The following EPHA5 variants were observed in gnomAD, a reference collection of about 807,000 sequenced individuals.
EPHA5 encodes ephrin type-A receptor 5.
EPHA5 carries 60 observed loss-of-function variants against 105.0 expected under a neutral mutation model. The observed-to-expected ratio is 0.57, with a 90% CI of 0.46 to 0.71. The LOEUF (loss-of-function observed/expected upper bound fraction) is 0.71, where lower values mean the gene tolerates loss of function less well. EPHA5 is among the 30% of genes least tolerant of loss of function. EPHA5 has a pLI of 0.00. For synonymous variants in EPHA5, 513 were observed against 449.1 expected, an observed-to-expected ratio of 1.14 and a Z score of -1.80; for missense variants, 1,218 against 1,274.7, an observed-to-expected ratio of 0.96 and a Z score of 0.68.
chr4:65,660,144 A>G (rs1749434015), intron 1 of EPHA5, among the ~76,000 whole-genome samples: 1 of 152,128 alleles, frequency 6.6e-6, no homozygotes, highest in Non-Finnish European at 1.5e-5. Context: ...ATATTTGAAC[A>G]TATTTCTTGA....
chr4:65,637,399 C>CT (rs1478378815), intron 2 of EPHA5, among the ~76,000 whole-genome samples: 8 of 151,206 alleles, frequency 5.3e-5, no homozygotes, highest in Non-Finnish European at 1.2e-4. Flanking sequence ...TGCATACTCT[C>CT]CTATATGGCA....
At chr4:65,463,505 C>G (rs1728316552) in intron 5 of EPHA5, among the ~76,000 whole-genome samples, 1 of 152,088 alleles carries the variant, frequency 6.6e-6, no homozygotes, top group African/African-American at 2.4e-5. Flanking sequence ...TTTAAATCAG[C>G]ATTGTACTGT....
At chr4:65,604,251 A>T (rs1402577239) in intron 2 of EPHA5, among the ~76,000 whole-genome samples, 2 of 152,180 alleles carry the variant, frequency 1.3e-5, no homozygotes, top group Admixed American at 1.3e-4. Context: ...AGTCCAGGGT[A>T]CCACAAATAC....
At chr4:65,633,131 T>A (rs1043070613) in intron 2 of EPHA5, among the ~76,000 whole-genome samples, 4 of 151,750 alleles carry the variant, frequency 2.6e-5, no homozygotes, top group African/African-American at 9.7e-5. Context: ...AGAGAGAGAA[T>A]AAGGCAATGA....
intron 3 of EPHA5, among the ~76,000 whole-genome samples, chr4:65,557,047 G>A (rs1275552845): frequency 6.6e-6 from 1 of 151,356 alleles, no homozygotes; most frequent in Admixed American, 6.6e-5. Context: ...TTTCTTCTTC[G>A]ATGAAGGTGT....
At position 65,320,714 on chromosome 4, in the gene EPHA5, T is replaced by C. The variant is rs1719576568; in HGVS notation, c.*3400A>G. 1 of 230,146 alleles carries C rather than the reference T, an allele frequency of 4.3e-6. No individual in the cohort carries two copies. Among genetic ancestry groups the C allele is most frequent in the Non-Finnish European group, 8.6e-6 (1 of 116,112 alleles). The allele number at this position is 230,146 out of a possible 1,614,324, so 14.3% of individuals were successfully genotyped here. Reference sequence around the variant, plus strand: ...AAAACACATAAGTGCTCAAATGATATTAACTTTCCATTTTAAACTTGAAAC... The same window carrying C: ...AAAACACATAAGTGCTCAAATGATACTAACTTTCCATTTTAAACTTGAAAC... On this transcript the variant is annotated 3_prime_UTR_variant, in exon 17 of 17. Coordinates refer to ENST00000613740, the MANE Select transcript of EPHA5 (RefSeq NM_001281766.3).
At position 65,353,098 on chromosome 4, in the gene EPHA5, G is replaced by T. The variant is rs1210243340; in HGVS notation, c.2179C>A (p.Pro727Thr). ...HLEGVVTKSK[P>T]VMIVTEYMEN... ...ATATACTCTGTCACGATCATCACTGGTTTACCTGAAAAGAAAACAGAGTGA... is the reference window on the plus strand; with the variant it reads ...ATATACTCTGTCACGATCATCACTGTTTTACCTGAAAAGAAAACAGAGTGA... The change falls in exon 12 of 17, where the codon CCA becomes ACA. Residue 727 changes from proline (P) to threonine (T), a missense_variant. Coordinates refer to ENST00000613740, the MANE Select transcript of EPHA5 (RefSeq NM_001281766.3). 2 of 1,549,226 alleles carry T rather than the reference G, an allele frequency of 1.3e-6. No homozygotes were observed. The highest frequency in any genetic ancestry group is 5.0e-5 in the East Asian group (2 of 39,948).
chr4:65,345,877 A>C (rs1243402827), intron 14 of EPHA5, among the ~76,000 whole-genome samples: 1 of 151,230 alleles, frequency 6.6e-6, no homozygotes, highest in Non-Finnish European at 1.5e-5. Context: ...GGTTCATGCC[A>C]TTCTCCTGCT....
intron 16 of EPHA5, chr4:65,331,641 C>T: frequency 9.2e-7 from 1 of 1,082,812 alleles, no homozygotes; most frequent in African/African-American, 1.6e-5. Context: ...TTTGTATTTA[C>T]ATTCATATAA....
At chr4:65,353,161 G>T in intron 11 of EPHA5, 58 bp from the exon 12 acceptor site, 1 of 1,059,514 alleles carries the variant, frequency 9.4e-7, no homozygotes, top group Non-Finnish European at 1.3e-6. Context: ...TTCTTATCTG[G>T]CAAAGCTTAC....
chr4:65,580,612 A>C (rs562473513), intron 3 of EPHA5, among the ~76,000 whole-genome samples: 4 of 151,786 alleles, frequency 2.6e-5, no homozygotes, highest in African/African-American at 7.2e-5. Context: ...CATATCAAAT[A>C]AAATAAAATA....
At chr4:65,592,944 TG>T (rs1256858568) in intron 3 of EPHA5, among the ~76,000 whole-genome samples, 1 of 152,134 alleles carries the variant, frequency 6.6e-6, no homozygotes. Context: ...CTAAATCATG[TG>T]AGAAACTCCT....
chr4:65,464,596 T>G (rs1728437283), intron 5 of EPHA5, among the ~76,000 whole-genome samples: 1 of 152,090 alleles, frequency 6.6e-6, no homozygotes, highest in South Asian at 2.1e-4. Flanking sequence ...TAAAGCACAT[T>G]TATTAAAATC....
rs189632548 is a variant in EPHA5 at position 65,617,837 on chromosome 4, C to A, written c.247-15533G>T. On this transcript the variant is annotated intron_variant, in intron 2 of 16. Coordinates refer to ENST00000613740, the MANE Select transcript of EPHA5 (RefSeq NM_001281766.3). ...TTTCATTTATCTGCGTATCTCTATTCCTAATTATCACTAGGAAGTGACAGT... is the reference window on the plus strand; with the variant it reads ...TTTCATTTATCTGCGTATCTCTATTACTAATTATCACTAGGAAGTGACAGT... 5.5e-3 allele frequency among the ~76,000 whole-genome samples: 834 copies of A among 152,150 alleles called. 37 individuals are homozygous for A. Among genetic ancestry groups the A allele is most frequent in the Admixed American group, 0.051 (774 of 15,280 alleles).
chr4:65,565,899 G>A (rs1739484954), intron 3 of EPHA5, among the ~76,000 whole-genome samples: 1 of 151,330 alleles, frequency 6.6e-6, no homozygotes, highest in African/African-American at 2.4e-5. Context: ...AAATAAACTT[G>A]GAGACTATTT....
At chr4:65,491,288 T>A (rs2149215947) in intron 4 of EPHA5, among the ~76,000 whole-genome samples, 1 of 152,046 alleles carries the variant, frequency 6.6e-6, no homozygotes, top group South Asian at 2.1e-4. Flanking sequence ...AGCATTAGAA[T>A]TTAAGTAAAT....
At chr4:65,490,899 T>A (rs1332537157) in intron 4 of EPHA5, among the ~76,000 whole-genome samples, 187 bp from the exon 5 acceptor site, 3 of 152,198 alleles carry the variant, frequency 2.0e-5, no homozygotes, top group Non-Finnish European at 4.4e-5. Flanking sequence ...TGGAAATGAC[T>A]TATCTTGGCA....
intron 10 of EPHA5, 82 bp downstream of exon 10, chr4:65,365,848 TTC>T: frequency 7.4e-7 from 1 of 1,359,216 alleles, no homozygotes; most frequent in Non-Finnish European, 1.0e-6. Context: ...ATTAAAAACA[TTC>T]TCTGTTACAT....
At chr4:65,489,772 A>C (rs1731227544) in intron 5 of EPHA5, among the ~76,000 whole-genome samples, 1 of 152,198 alleles carries the variant, frequency 6.6e-6, no homozygotes, top group Admixed American at 6.5e-5. Context: ...CCTAATAATT[A>C]CTTATTAATT....
Sources: gnomAD v4.1 joint callset for allele counts (sites outside exome capture counted in the v4.1 genomes callset) on GRCh38, gnomAD v4.1.1 for gene constraint, MANE v1.5 for transcripts, NCBI Gene and HGNC (gene_info 2026-07-23, HGNC 2026-07-21) for gene names.